The following IL23R variants were observed in gnomAD, a reference collection of about 807,000 sequenced individuals.
The protein encoded by IL23R is interleukin 23 receptor.
Under a neutral mutation model 56.9 loss-of-function variants are expected in IL23R, and 34 were observed. That is an observed-to-expected ratio of 0.60 (90% CI 0.45 to 0.80). IL23R has a LOEUF of 0.80. Among genes scored for constraint, IL23R ranks in the 30% least tolerant of loss-of-function variants. The pLI is 0.00. For synonymous variants in IL23R, 230 were observed against 249.2 expected (o/e 0.92, Z 0.73); for missense variants, 635 against 730.0 (o/e 0.87, Z 1.50).
In IL23R at chr1:67,219,673, G is replaced by C. The variant is rs750164194; in HGVS notation, c.898G>C (p.Gly300Arg). The change falls in exon 7 of 11, where the codon GGC (glycine) becomes CGC (arginine). Residue 300 changes from glycine (G) to arginine (R), a missense_variant. By Grantham distance (125) the Gly-to-Arg change is moderately radical. Coordinates refer to ENST00000347310, the MANE Select transcript of IL23R (RefSeq NM_144701.3). ...ATTTCAAGTGAGATGTCAAGAAACA[G>C]GCAAAAGGTACTGGCAGCCTTGGAG... is the stretch of plus-strand genomic sequence containing the variant. ...YVFQVRCQET[G>R]KRYWQPWSSL... 2 of 1,614,146 alleles carry C rather than the reference G, an allele frequency of 1.2e-6. No homozygotes were observed. The highest frequency in any genetic ancestry group is 1.7e-6 in the Non-Finnish European group (2 of 1,179,998).
At position 67,233,365 on chromosome 1, in the gene IL23R, TA is replaced by T. The variant is rs543602307; in HGVS notation, c.956-3337del. 2.5e-3 allele frequency among the ~76,000 whole-genome samples: 373 copies of T among 147,660 alleles called. 1 individual carries two copies. Among genetic ancestry groups the T allele is most frequent in the African/African-American group, 8.1e-3 (328 of 40,380 alleles). ...TGGGCAACAGAGGGAGATTCTGTCT[TA>T]AAAAAAAAAATCCGGTTTTGATTAT... is the stretch of plus-strand genomic sequence containing the variant. On this transcript the variant is annotated intron_variant, in intron 7 of 10. Coordinates refer to ENST00000347310, the MANE Select transcript of IL23R (RefSeq NM_144701.3).
intron 4 of IL23R, among the ~76,000 whole-genome samples, chr1:67,199,135 A>G (rs926766253): frequency 1.3e-5 from 2 of 152,150 alleles, no homozygotes; most frequent in Non-Finnish European, 2.9e-5. Context: ...CTCACTTTCT[A>G]TCACTTACAT....
intron 8 of IL23R, 79 bp from the exon 9 acceptor site, chr1:67,240,100 C>A: frequency 9.7e-7 from 1 of 1,031,036 alleles, no homozygotes; most frequent in Non-Finnish European, 1.5e-6. Context: ...TTGCTTTGAG[C>A]AGAGTAAAGA....
At chr1:67,209,069 T>A (rs868501743) in intron 6 of IL23R, among the ~76,000 whole-genome samples, 1 of 152,196 alleles carries the variant, frequency 6.6e-6, no homozygotes, top group East Asian at 1.9e-4. Flanking sequence ...TGGACTTGCA[T>A]GGGCGCTGTA....
At chr1:67,259,965 GAAAAAAAAAAAAAAAA>G (rs372460431) in exon 11 of IL23R, 4 of 76,068 alleles carry the variant, frequency 5.3e-5, no homozygotes, top group Admixed American at 1.8e-4. Flanking sequence ...ACTCTGTCTG[GAAAAAAAAAAAAAAAA>G]AAAAAAAAAG....
chr1:67,228,929 G>A (rs1306418248), intron 7 of IL23R, among the ~76,000 whole-genome samples: 1 of 152,130 alleles, frequency 6.6e-6, no homozygotes, highest in Non-Finnish European at 1.5e-5. Flanking sequence ...AGGTAACTGA[G>A]TAGAAAGAAC....
chr1:67,143,241 A>G (rs1396281885), intron 1 of IL23R, among the ~76,000 whole-genome samples: 1 of 152,236 alleles, frequency 6.6e-6, no homozygotes, highest in African/African-American at 2.4e-5. Flanking sequence ...GGCTTTTAAC[A>G]TAGTGCTGGG....
At chr1:67,144,893 AT>A (rs1646666576) in intron 1 of IL23R, among the ~76,000 whole-genome samples, 1 of 152,148 alleles carries the variant, frequency 6.6e-6, no homozygotes, top group East Asian at 1.9e-4. Context: ...CTCCAGTTTC[AT>A]TTTGTGATTG....
intron 7 of IL23R, among the ~76,000 whole-genome samples, chr1:67,228,839 A>G (rs1160473615): frequency 6.6e-6 from 1 of 152,112 alleles, no homozygotes. Flanking sequence ...CCTTCTGCTT[A>G]TAAGAACTCT....
At position 67,182,935 on chromosome 1, in the gene IL23R, C is replaced by T; in HGVS notation, c.467C>T (p.Thr156Ile). 1 of 1,614,080 alleles carries T rather than the reference C, an allele frequency of 6.2e-7. No homozygotes were observed. Among genetic ancestry groups the T allele is most frequent in the Non-Finnish European group, 8.5e-7 (1 of 1,179,950 alleles). The change falls in exon 4 of 11, where the codon ACA becomes ATA. Residue 156 changes from threonine to isoleucine, a missense_variant. Thr to Ile is a moderately conservative substitution (Grantham distance 89). Coordinates refer to ENST00000347310, the MANE Select transcript of IL23R (RefSeq NM_144701.3). ...GCTGGGAAGCTCACCTACATAGACA[C>T]AAAATACGTGGTACATGTGAAGAGG... ...WNAGKLTYID[T>I]KYVVHVKSLE...
intron 1 of IL23R, among the ~76,000 whole-genome samples, chr1:67,157,903 A>G (rs1646782779): frequency 6.6e-6 from 1 of 152,252 alleles, no homozygotes; most frequent in South Asian, 2.1e-4. Context: ...AATTATTGGA[A>G]CATATTACAC....
chr1:67,209,427 G>A lies in IL23R; in HGVS notation c.798+2372G>A, dbSNP rs964552143. 3.9e-5 allele frequency among the ~76,000 whole-genome samples: 6 copies of A among 152,176 alleles called. No homozygotes were observed. The East Asian group carries it at 1.2e-3, about 29-fold the overall frequency. On this transcript the variant is annotated intron_variant, in intron 6 of 10. Transcript: ENST00000347310. ...CCACATGTTGTGGGAGGGAGCCAGG[G>A]GAGGTAATTGAATCCTGGGAGCCCG...
At position 67,254,464 on chromosome 1, in the gene IL23R, TTACTC is replaced by T. The variant is rs538063609; in HGVS notation, c.1149-1372_1149-1368del. ...TGTATCAGTGTACTGTATAAAAACT[TTACTC>T]CAATAGCCTGAATTTACTAATTTGG... On this transcript the variant is annotated intron_variant, in intron 9 of 10. Transcript: ENST00000347310. 1.3e-3 allele frequency among the ~76,000 whole-genome samples: 196 copies of T among 152,026 alleles called. 1 individual carries two copies. Among genetic ancestry groups the T allele is most frequent in the African/African-American group, 4.6e-3 (189 of 41,462 alleles).
intron 7 of IL23R, among the ~76,000 whole-genome samples, chr1:67,227,311 A>G (rs1570888400): frequency 6.6e-6 from 1 of 152,214 alleles, no homozygotes; most frequent in Non-Finnish European, 1.5e-5. Context: ...CAGGTTCTAT[A>G]ATTCCTTTAA....
chr1:67,164,809 C>T (rs1229919783), upstream of IL23R, among the ~76,000 whole-genome samples: 2 of 151,718 alleles, frequency 1.3e-5, no homozygotes, highest in South Asian at 2.1e-4. Flanking sequence ...TGTCATCAGG[C>T]GATTCTGGAC....
At chr1:67,188,071 G>T (rs1647475874) in intron 4 of IL23R, among the ~76,000 whole-genome samples, 1 of 151,944 alleles carries the variant, frequency 6.6e-6, no homozygotes, top group African/African-American at 2.4e-5. Context: ...AAAAATAAAA[G>T]AAAAATAAAA....
intron 1 of IL23R, among the ~76,000 whole-genome samples, chr1:67,150,583 C>T (rs1450241634): frequency 6.7e-6 from 1 of 149,348 alleles, no homozygotes; most frequent in Non-Finnish European, 1.5e-5. Context: ...CATCCATGTC[C>T]CTGCAAAGGA....
intron 8 of IL23R, among the ~76,000 whole-genome samples, chr1:67,238,676 G>T (rs1380658835): frequency 6.6e-6 from 1 of 152,132 alleles, no homozygotes; most frequent in Non-Finnish European, 1.5e-5. Flanking sequence ...CCACGCTCTT[G>T]GTCATTCTGC....
chr1:67,146,495 C>T (rs897490908), intron 1 of IL23R, among the ~76,000 whole-genome samples: 5 of 152,114 alleles, frequency 3.3e-5, no homozygotes, highest in African/African-American at 7.2e-5. Flanking sequence ...CACTCTAGGA[C>T]TCAGGCCTGA....
Sources: allele counts gnomAD v4.1 joint callset (sites outside exome capture counted in the v4.1 genomes callset), GRCh38; gene constraint gnomAD v4.1.1; transcripts MANE v1.5; gene names NCBI Gene and HGNC (gene_info 2026-07-23, HGNC 2026-07-21).